DYNC1LI1: variants seen among roughly 807,000 people sequenced by gnomAD.
DYNC1LI1 encodes the protein cytoplasmic dynein 1 light intermediate chain 1.
Under a neutral mutation model 63.8 loss-of-function variants are expected in DYNC1LI1, and 19 were observed. That is an observed-to-expected ratio of 0.30 (90% confidence interval 0.21 to 0.44). The LOEUF (loss-of-function observed/expected upper bound fraction) is 0.44, where lower values mean the gene tolerates loss of function less well. Ranked by LOEUF, DYNC1LI1 falls within the 20% of genes least tolerant of loss-of-function variation. The pLI, the probability that DYNC1LI1 is intolerant of heterozygous loss-of-function variation, is 1.00. For synonymous variants in DYNC1LI1, 225 were observed against 232.3 expected (o/e 0.97, Z 0.28); for missense variants, 565 against 630.2 (o/e 0.90, Z 1.11).
chr3:32,561,017 A>AC (rs1698184027), intron 2 of DYNC1LI1, among the ~76,000 whole-genome samples: 2 of 111,278 alleles, frequency 1.8e-5, no homozygotes, highest in African/African-American at 7.2e-5. Context: ...AAAAAAAAAA[A>AC]AAAAAAAAAA....
At chr3:32,561,152 T>C (rs993861516) in intron 2 of DYNC1LI1, among the ~76,000 whole-genome samples, 1 of 151,584 alleles carries the variant, frequency 6.6e-6, no homozygotes, top group African/African-American at 2.4e-5. Context: ...ATAGTTCCCA[T>C]GCCCTAGGAG....
intron 2 of DYNC1LI1, among the ~76,000 whole-genome samples, chr3:32,553,670 A>C (rs1698073935): frequency 6.6e-6 from 1 of 152,232 alleles, no homozygotes; most frequent in South Asian, 2.1e-4. Flanking sequence ...AGCATACAGC[A>C]GTGAACACTT....
At chr3:32,556,324 G>A (rs1698114658) in intron 2 of DYNC1LI1, among the ~76,000 whole-genome samples, 1 of 152,148 alleles carries the variant, frequency 6.6e-6, no homozygotes, top group African/African-American at 2.4e-5. Flanking sequence ...ACTGCAGAGG[G>A]TCATCTTAGA....
rs1379790742 is a variant in DYNC1LI1 at position 32,528,491 on chromosome 3, C to T, written c.1417G>A (p.Ala473Thr). ...GGTAAACCACTGCTTCCACCTCCAG[C>T]CCCACCTGCAGGGCTACCACCACTC... Reference protein sequence around the residue: ...GVSGGSPAGGAGGGSSGLPPS... With the variant: ...GVSGGSPAGGTGGGSSGLPPS... Residue 473 changes from alanine (A) to threonine (T), a missense_variant, in exon 12 of 13, where the codon GCT becomes ACT. Transcript: ENST00000273130. The T allele has an allele frequency of 1.2e-6, 2 of 1,614,152 alleles. No individual in the cohort carries two copies. Among genetic ancestry groups the T allele is most frequent in the Admixed American group, 1.7e-5 (1 of 60,016 alleles).
At chr3:32,537,326 G>A (rs1697787863) in intron 5 of DYNC1LI1, 1 of 262,978 alleles carries the variant, frequency 3.8e-6, no homozygotes, top group Non-Finnish European at 7.1e-6. Context: ...CAACGTTAAT[G>A]TTAAATCTGG....
In DYNC1LI1 at chr3:32,561,521, CA is replaced by C. The variant is rs1240643868; in HGVS notation, c.220+8824del. 4.0e-5 allele frequency among the ~76,000 whole-genome samples: 6 copies of C among 151,682 alleles called. No individual in the cohort carries two copies. The East Asian group carries it at 1.2e-3, about 29-fold the overall frequency. Reference sequence around the variant, plus strand: ...GCACACGCCGGTGGTCCCAGCTACTCAGGAGGCTGAGGCAGGAGAATTGCTT... The same window carrying C: ...GCACACGCCGGTGGTCCCAGCTACTCGGAGGCTGAGGCAGGAGAATTGCTT... On this transcript the variant is annotated intron_variant, in intron 2 of 12. Transcript: ENST00000273130.
At chr3:32,537,241 G>C (rs1697786821) in intron 5 of DYNC1LI1, 137 bp from the exon 6 acceptor site, 1 of 468,928 alleles carries the variant, frequency 2.1e-6, no homozygotes, top group Non-Finnish European at 3.7e-6. Context: ...GCAGGACACA[G>C]AATATCAAGT....
At chr3:32,550,069 G>A (rs1559440664) in intron 2 of DYNC1LI1, among the ~76,000 whole-genome samples, 1 of 152,048 alleles carries the variant, frequency 6.6e-6, no homozygotes, top group African/African-American at 2.4e-5. Flanking sequence ...CTTCCTTTTA[G>A]TTTAACTAAT....
intron 8 of DYNC1LI1, chr3:32,530,752 C>A: frequency 2.2e-6 from 1 of 451,620 alleles, no homozygotes; most frequent in Admixed American, 3.6e-5. Context: ...ATATGGCAGT[C>A]ACTAGCCACC....
intron 12 of DYNC1LI1, among the ~76,000 whole-genome samples, chr3:32,528,128 A>G (rs1350538998): frequency 6.1e-5 from 9 of 148,536 alleles, no homozygotes; most frequent in Non-Finnish European, 1.0e-4. Context: ...AAAAAAAAAA[A>G]AAAAAAAAAA....
At chr3:32,537,295 CT>C (rs2125432835) in intron 5 of DYNC1LI1, 191 bp from the exon 6 acceptor site, 1 of 338,530 alleles carries the variant, frequency 3.0e-6, no homozygotes, top group East Asian at 4.9e-5. Flanking sequence ...ATAATTTTAT[CT>C]TTTTAAAAAG....
In DYNC1LI1 at chr3:32,570,750, G is replaced by C. The variant is rs537989898; in HGVS notation, c.21C>G (p.Val7=). ...CCGGCGGAGAAGAACCGAAGGAGCC[G>C]ACTCGCCCCACGGCCGCCATCTTGG... is the stretch of plus-strand genomic sequence containing the variant. MAAVGR[V]GSFGSSPPGL... is the part of the protein sequence containing the mutation. Residue 7 remains valine, a synonymous_variant, in exon 1 of 13, where the codon GTC becomes GTG. Coordinates refer to ENST00000273130, the MANE Select transcript of DYNC1LI1 (RefSeq NM_016141.4). The C allele has an allele frequency of 1.2e-6, 2 of 1,605,182 alleles. No individual in the cohort carries two copies. Among genetic ancestry groups the C allele is most frequent in the East Asian group, 4.6e-5 (2 of 43,818 alleles).
chr3:32,543,398 CTTTTTT>C (rs968681360), intron 4 of DYNC1LI1, among the ~76,000 whole-genome samples: 3 of 127,484 alleles, frequency 2.4e-5, no homozygotes, highest in African/African-American at 8.9e-5. Context: ...TATTTCCTTT[CTTTTTT>C]TTTTTTTTTT....
intron 2 of DYNC1LI1, among the ~76,000 whole-genome samples, chr3:32,562,226 G>A: frequency 6.6e-6 from 1 of 152,074 alleles, no homozygotes; most frequent in East Asian, 1.9e-4. Flanking sequence ...TTACACTACC[G>A]CACTCCAGCC....
In DYNC1LI1 at chr3:32,533,009, T is replaced by G; in HGVS notation, c.1057A>C (p.Ile353Leu). The G allele has an allele frequency of 6.3e-7, 1 of 1,594,208 alleles. No homozygotes were observed. Among genetic ancestry groups the G allele is most frequent in the Non-Finnish European group, 8.5e-7 (1 of 1,174,596 alleles). ...ACCTTTCGAACAGGTGGTTTAGTTA[T>G]GATGTCTTCAAAATTATCTTCTGCT... is the stretch of plus-strand genomic sequence containing the variant. Reference protein sequence around the residue: ...LKAEDNFEDIITKPPVRKFVH... With the variant: ...LKAEDNFEDILTKPPVRKFVH... Residue 353 changes from isoleucine (I) to leucine (L), a missense_variant, in exon 8 of 13, where the codon ATA becomes CTA. Ile to Leu is a conservative substitution (Grantham distance 5). Transcript: ENST00000273130.
chr3:32,552,454 C>A (rs907904050), intron 2 of DYNC1LI1, among the ~76,000 whole-genome samples: 1 of 152,084 alleles, frequency 6.6e-6, no homozygotes, highest in East Asian at 1.9e-4. Context: ...GTCACTGAGA[C>A]CCCCAGCTTT....
chr3:32,548,575 C>T (rs1431066538), intron 2 of DYNC1LI1, among the ~76,000 whole-genome samples: 3 of 152,052 alleles, frequency 2.0e-5, no homozygotes, highest in Admixed American at 6.6e-5. Context: ...CAGTAGTTAC[C>T]GGGGACTGGG....
rs1403519740 is a variant in DYNC1LI1 at position 32,537,979 on chromosome 3, T to C, written c.739-875A>G. Among the ~76,000 whole-genome samples the C allele has an allele frequency of 4.2e-5, 2 of 47,452 alleles. 1 individual carries two copies. The highest frequency in any genetic ancestry group is 7.3e-5 in the Non-Finnish European group (2 of 27,212). The allele number at this position is 47,452 out of a possible 152,430, so 31.1% of individuals were successfully genotyped here. ...TATATATAATATATATATATTTATA[T>C]ATAATATATATATATAATTTATATA... On this transcript the variant is annotated intron_variant, in intron 5 of 12. Transcript: ENST00000273130.
chr3:32,534,175 C>T (rs921093090), intron 7 of DYNC1LI1, among the ~76,000 whole-genome samples: 2 of 152,122 alleles, frequency 1.3e-5, no homozygotes, highest in African/African-American at 4.8e-5. Flanking sequence ...CGTGCTCAGC[C>T]AGGTAATTTT....
Sources: gnomAD v4.1 joint callset for allele counts (sites outside exome capture counted in the v4.1 genomes callset) on GRCh38, gnomAD v4.1.1 for gene constraint, MANE v1.5 for transcripts, NCBI Gene and HGNC (gene_info 2026-07-23, HGNC 2026-07-21) for gene names.